Variants in ZC3H12C observed in about 807,000 individuals in gnomAD.
ZC3H12C encodes zinc finger CCCH-type containing 12C.
ZC3H12C carries 20 observed loss-of-function variants against 76.3 expected under a neutral mutation model. The observed-to-expected ratio is 0.26, with a 90% CI of 0.18 to 0.38. The LOEUF is 0.38. Among genes scored for constraint, ZC3H12C ranks in the 10% least tolerant of loss-of-function variants. The pLI is 1.00. For missense variants in ZC3H12C, 874 were observed against 1,086.5 expected, an observed-to-expected ratio of 0.80 and a Z score of 2.75; for synonymous variants, 352 against 399.6, an observed-to-expected ratio of 0.88 and a Z score of 1.42.
In ZC3H12C at chr11:110,165,520, T is replaced by A; in HGVS notation, c.2435T>A (p.Leu812His). Residue 812 changes from leucine to histidine, a missense_variant, in exon 6 of 6, where the codon CTC becomes CAC. Physicochemically the swap from Leu to His is moderately conservative, Grantham distance 99. Transcript: ENST00000278590. ...PCYEQFTFQSLPEQQEPAWRI... is the reference protein window; with the variant it reads ...PCYEQFTFQSHPEQQEPAWRI... ...TATGAGCAGTTCACCTTCCAGAGCC[T>A]CCCTGAGCAACAGGAGCCAGCCTGG... 1 of 1,613,840 alleles carries A rather than the reference T, an allele frequency of 6.2e-7. No homozygotes were observed. Among genetic ancestry groups the A allele is most frequent in the Non-Finnish European group, 8.5e-7 (1 of 1,179,850 alleles).
chr11:110,157,480 G>A (rs1182471268), intron 3 of ZC3H12C, among the ~76,000 whole-genome samples: 1 of 149,452 alleles, frequency 6.7e-6, no homozygotes, highest in African/African-American at 2.5e-5. Context: ...TGTTGCCCAG[G>A]CTGGAGAGCA....
intron 1 of ZC3H12C, among the ~76,000 whole-genome samples, chr11:110,123,264 C>CT (rs1861682025): frequency 6.6e-6 from 1 of 152,170 alleles, no homozygotes; most frequent in African/African-American, 2.4e-5. Context: ...ATTCCTTGTA[C>CT]TTTTCTAAAA....
intron 1 of ZC3H12C, among the ~76,000 whole-genome samples, chr11:110,135,583 TC>T (rs1279705748): frequency 1.6e-4 from 25 of 151,896 alleles, no homozygotes; most frequent in Admixed American, 9.2e-4. Flanking sequence ...CCTAACCCAT[TC>T]CTAGTAGAGA....
chr11:110,102,014 A>G lies in ZC3H12C; in HGVS notation c.21+8582A>G, dbSNP rs555614910. On this transcript the variant is annotated intron_variant, in intron 1 of 5. Coordinates refer to ENST00000278590, the MANE Select transcript of ZC3H12C (RefSeq NM_033390.2). ...TCCCTTCAAAATATGTAATATTACT[A>G]TTCATTGACAGGGTACCACCAAGAA... Among the ~76,000 whole-genome samples, 5 of 152,034 alleles carry G rather than the reference A, an allele frequency of 3.3e-5. No individual in the cohort carries two copies. In the East Asian group the frequency reaches 9.7e-4, roughly 29 times the overall value.
At chr11:110,159,165 TTA>T (rs1473479243) in intron 3 of ZC3H12C, 89 bp from the exon 4 acceptor site, 38 of 958,062 alleles carry the variant, frequency 4.0e-5, no homozygotes, top group Non-Finnish European at 5.4e-5. Context: ...TATATACAGC[TTA>T]TGTTTTAGAG....
At chr11:110,134,531 A>G (rs987905051) in intron 1 of ZC3H12C, among the ~76,000 whole-genome samples, 1 of 152,174 alleles carries the variant, frequency 6.6e-6, no homozygotes, top group Non-Finnish European at 1.5e-5. Context: ...TGGTGTTAGT[A>G]TATTACAGTA....
chr11:110,154,590 A>G (rs1176888616), intron 3 of ZC3H12C, among the ~76,000 whole-genome samples: 2 of 152,058 alleles, frequency 1.3e-5, no homozygotes, highest in Non-Finnish European at 2.9e-5. Context: ...ACACCATATA[A>G]CAATAAATTC....
At chr11:110,148,049 G>T (rs1457620006) in intron 2 of ZC3H12C, among the ~76,000 whole-genome samples, 1 of 152,228 alleles carries the variant, frequency 6.6e-6, no homozygotes, top group Non-Finnish European at 1.5e-5. Flanking sequence ...AGCAGAAAAA[G>T]CAGAAGGAGC....
chr11:110,131,564 T>A (rs1250479409), intron 1 of ZC3H12C: 2 of 157,730 alleles, frequency 1.3e-5, no homozygotes, highest in African/African-American at 2.4e-5. Context: ...TAGGTAGATG[T>A]CTCAACTTGT....
rs1565270885 is a variant in ZC3H12C at position 110,165,073 on chromosome 11, A to G, written c.1988A>G (p.Gln663Arg). 35 of 1,613,772 alleles carry G rather than the reference A, an allele frequency of 2.2e-5. No homozygotes were observed. Among genetic ancestry groups the G allele is most frequent in the Non-Finnish European group, 2.8e-5 (33 of 1,179,892 alleles). The change falls in exon 6 of 6, where the codon CAA (glutamine) becomes CGA (arginine). Residue 663 changes from glutamine (Q) to arginine (R), a missense_variant. Coordinates refer to ENST00000278590, the MANE Select transcript of ZC3H12C (RefSeq NM_033390.2). ...CAGCTAGAGGAGAATTTGAAGTGTC[A>G]ACACATGCACCCTCACAGCCGCCTT... Reference protein sequence around the residue: ...DPQLEENLKCQHMHPHSRLNP... With the variant: ...DPQLEENLKCRHMHPHSRLNP...
intron 1 of ZC3H12C, among the ~76,000 whole-genome samples, chr11:110,115,210 G>A (rs971147852): frequency 2.0e-5 from 3 of 151,566 alleles, no homozygotes; most frequent in African/African-American, 7.3e-5. Flanking sequence ...GGGCTCAAGC[G>A]ATCCTCCTGC....
At chr11:110,131,074 C>T in intron 1 of ZC3H12C, 2 of 1,535,832 alleles carry the variant, frequency 1.3e-6, no homozygotes, top group Non-Finnish European at 1.7e-6. Context: ...GAAGCTGCTA[C>T]AGAAACCAAT....
chr11:110,123,684 AGAGTT>A (rs1163998202), intron 1 of ZC3H12C, among the ~76,000 whole-genome samples: 1 of 152,222 alleles, frequency 6.6e-6, no homozygotes, highest in Non-Finnish European at 1.5e-5. Context: ...TGGTCTGATT[AGAGTT>A]AATTCATACA....
chr11:110,093,827 C>G (rs529468334), intron 1 of ZC3H12C, among the ~76,000 whole-genome samples: 7 of 152,198 alleles, frequency 4.6e-5, no homozygotes, highest in African/African-American at 1.4e-4. Context: ...GCTGCCCCAG[C>G]GGCTCAGACT....
intron 2 of ZC3H12C, among the ~76,000 whole-genome samples, 189 bp downstream of exon 2, chr11:110,137,603 T>C (rs556998055): frequency 1.3e-5 from 2 of 152,338 alleles, no homozygotes; most frequent in South Asian, 2.1e-4. Flanking sequence ...TTACTTCATT[T>C]ATCCCCGTAT....
intron 3 of ZC3H12C, among the ~76,000 whole-genome samples, chr11:110,154,277 G>A (rs1862332249): frequency 6.6e-6 from 1 of 151,896 alleles, no homozygotes. Flanking sequence ...AGCTGAAGTG[G>A]GAGAATCACT....
At chr11:110,156,429 C>T (rs924904976) in intron 3 of ZC3H12C, among the ~76,000 whole-genome samples, 1 of 152,154 alleles carries the variant, frequency 6.6e-6, no homozygotes, top group Non-Finnish European at 1.5e-5. Context: ...ACTAGTTTTA[C>T]TGAACCCATA....
At chr11:110,135,612 T>A (rs2134175418) in intron 1 of ZC3H12C, among the ~76,000 whole-genome samples, 1 of 151,922 alleles carries the variant, frequency 6.6e-6, no homozygotes, top group East Asian at 1.9e-4. Context: ...TTTCCAATAG[T>A]CTTTAAGGAA....
intron 1 of ZC3H12C, among the ~76,000 whole-genome samples, chr11:110,127,008 G>A (rs1168280696): frequency 6.6e-6 from 1 of 152,088 alleles, no homozygotes; most frequent in Non-Finnish European, 1.5e-5. Flanking sequence ...AGTTACTTTG[G>A]GTGGATTGTA....
Sources: gnomAD v4.1 joint callset for allele counts (sites outside exome capture counted in the v4.1 genomes callset) on GRCh38, gnomAD v4.1.1 for gene constraint, MANE v1.5 for transcripts, NCBI Gene and HGNC (gene_info 2026-07-23, HGNC 2026-07-21) for gene names.